The following ECI1 variants were observed in gnomAD, a reference collection of about 807,000 sequenced individuals.
The protein encoded by ECI1 is enoyl-CoA delta isomerase 1.
ECI1 carries 34 observed loss-of-function variants against 34.2 expected under a neutral mutation model. The observed-to-expected ratio is 1.00, with a 90% CI of 0.76 to 1.33. ECI1 has a LOEUF of 1.33. ECI1 is among the 40% of genes most tolerant of loss of function. ECI1 has a pLI of 0.00. For synonymous variants in ECI1, 211 were observed against 193.0 expected (o/e 1.09, Z -0.77); for missense variants, 456 against 422.2 (o/e 1.08, Z -0.70).
At chr16:2,245,529 T>C (rs2093538368) in intron 3 of ECI1, among the ~76,000 whole-genome samples, 1 of 152,130 alleles carries the variant, frequency 6.6e-6, no homozygotes, top group Non-Finnish European at 1.5e-5. Flanking sequence ...ACAGAATGGG[T>C]AGGCCGGTCC....
intron 4 of ECI1, 54 bp from the exon 5 acceptor site, chr16:2,243,493 C>T: frequency 1.9e-6 from 3 of 1,601,222 alleles, no homozygotes; most frequent in Non-Finnish European, 2.5e-6. Flanking sequence ...CAACCACATT[C>T]CAGAGGGCCA....
chr16:2,251,370 C>A lies in ECI1; in HGVS notation c.112G>T (p.Gly38Cys), dbSNP rs953020929. 9.6e-6 allele frequency: 12 copies of A among 1,248,086 alleles called. No individual in the cohort carries two copies. The African/African-American group carries it at 1.3e-4, about 13-fold the overall frequency. The allele number at this position is 1,248,086 out of a possible 1,614,324, so 77.3% of individuals were successfully genotyped here. Reference sequence around the variant, plus strand: ...CGCTGGCTCCCGAAGCGCCGCGCGCCGTCTCCGCCGCCGGCCGCCCGCTCC... The same window carrying A: ...CGCTGGCTCCCGAAGCGCCGCGCGCAGTCTCCGCCGCCGGCCGCCCGCTCC... The part of the protein sequence containing the change: ...RTERAAGGGD[G>C]ARRFGSQRVL... Residue 38 changes from glycine (G) to cysteine (C), a missense_variant, in exon 2 of 7, where the codon GGC (glycine) becomes TGC (cysteine). Gly to Cys is a radical substitution (Grantham distance 159). Coordinates refer to ENST00000301729, the MANE Select transcript of ECI1 (RefSeq NM_001919.4).
intron 2 of ECI1, among the ~76,000 whole-genome samples, chr16:2,248,093 TTC>T (rs200472245): frequency 5.5e-4 from 84 of 152,284 alleles, no homozygotes; most frequent in African/African-American, 1.8e-3. Context: ...CATTCTCTCT[TTC>T]TCTCTCTATC....
chr16:2,249,258 C>A (rs1246484151), intron 2 of ECI1, among the ~76,000 whole-genome samples: 1 of 151,800 alleles, frequency 6.6e-6, no homozygotes. Context: ...ACCGTGTTAG[C>A]CAGAATGGTC....
rs553720770 is a variant in ECI1 at position 2,239,672 on chromosome 16, C to T, written c.*307G>A. ...AATGGATGACCAGGGACTTGACTTA[C>T]GATTCTGCCTTGGGAACAGAGACAC... On this transcript the variant is annotated 3_prime_UTR_variant, in exon 7 of 7. Transcript: ENST00000301729. The T allele has an allele frequency of 2.4e-5, 10 of 419,966 alleles. No homozygotes were observed. The highest frequency in any genetic ancestry group is 7.1e-5 in the Admixed American group (2 of 28,290). 26.0% of individuals were successfully genotyped at this position (419,966 alleles called of 1,614,324 possible).
chr16:2,248,028 A>G (rs1042618125), intron 2 of ECI1, among the ~76,000 whole-genome samples: 1 of 152,120 alleles, frequency 6.6e-6, no homozygotes, highest in Non-Finnish European at 1.5e-5. Context: ...GATCGATATA[A>G]CATAAATTAA....
At chr16:2,243,805 G>A (rs1478910412) in intron 4 of ECI1, among the ~76,000 whole-genome samples, 1 of 152,190 alleles carries the variant, frequency 6.6e-6, no homozygotes, top group African/African-American at 2.4e-5. Context: ...CATGCCCCAA[G>A]GGGGCCCCGA....
Position 2,246,892 on chromosome 16 carries a change from A to G in ECI1, c.261T>C (p.Asn87=). 6.2e-7 allele frequency: 1 copy of G among 1,613,648 alleles called. No individual in the cohort carries two copies. Residue 87 remains asparagine (N), a synonymous_variant, in exon 3 of 7, where the codon AAT becomes AAC. Transcript: ENST00000301729. ...ELVISLEKLE[N]DKSFRGVILT... is the part of the protein sequence containing the mutation. ...GAATGACACCGCGGAAGCTCTTGTC[A>G]TTCTCCAGCTTCTCCAGGCTGATGA... is the stretch of plus-strand genomic sequence containing the variant.
chr16:2,251,197 C>A, intron 2 of ECI1, 119 bp downstream of exon 2: 1 of 334,376 alleles, frequency 3.0e-6, no homozygotes, highest in Non-Finnish European at 4.7e-6. Context: ...TGTTTCGAAA[C>A]TTGGGTTCTA....
At position 2,246,470 on chromosome 16, in the gene ECI1, G is replaced by A. The variant is rs554766520; in HGVS notation, c.294+389C>T. On this transcript the variant is annotated intron_variant, in intron 3 of 6. Transcript: ENST00000301729. ...CTGCCCACAGCTCTCCCCAGTGTCC[G>A]CCTGGACGACGGCCCGGGCAGGGAA... Among the ~76,000 whole-genome samples the A allele has an allele frequency of 2.8e-4, 42 of 152,266 alleles. 1 individual carries two copies. The highest frequency in any genetic ancestry group is 6.8e-3 in the Middle Eastern group (2 of 294).
chr16:2,246,653 G>A (rs529894491), intron 3 of ECI1, among the ~76,000 whole-genome samples: 1 of 152,368 alleles, frequency 6.6e-6, no homozygotes, highest in South Asian at 2.1e-4. Context: ...GCCCATGGCA[G>A]TTTGGGTCCC....
intron 3 of ECI1, among the ~76,000 whole-genome samples, chr16:2,246,171 G>A (rs948789047): frequency 6.6e-6 from 1 of 152,168 alleles, no homozygotes; most frequent in Non-Finnish European, 1.5e-5. Flanking sequence ...CGGCGATGTT[G>A]GTAATGACAC....
At chr16:2,241,233 C>G (rs762240315) in intron 6 of ECI1, 4 of 152,204 alleles carry the variant, frequency 2.6e-5, no homozygotes, top group African/African-American at 4.8e-5. Context: ...GAAATGGCAG[C>G]ACAGCCTTCA....
At chr16:2,250,502 G>T (rs1040737004) in intron 2 of ECI1, among the ~76,000 whole-genome samples, 2 of 152,116 alleles carry the variant, frequency 1.3e-5, no homozygotes, top group African/African-American at 4.8e-5. Context: ...CTCCTCTCAG[G>T]AGCCACAGCA....
chr16:2,241,102 C>G (rs1381061622), intron 6 of ECI1: 1 of 151,558 alleles, frequency 6.6e-6, no homozygotes, highest in East Asian at 2.0e-4. Context: ...TTGCAGTGAG[C>G]TGAGATCGCA....
At chr16:2,249,716 CAA>C (rs56139101) in intron 2 of ECI1, among the ~76,000 whole-genome samples, 2 of 139,674 alleles carry the variant, frequency 1.4e-5, no homozygotes, top group African/African-American at 2.6e-5. Context: ...CTAAAAATAC[CAA>C]AAAAAAAAAA....
At position 2,239,912 on chromosome 16, in the gene ECI1, C is replaced by T; in HGVS notation, c.*67G>A. On this transcript the variant is annotated 3_prime_UTR_variant, in exon 7 of 7. Coordinates refer to ENST00000301729, the MANE Select transcript of ECI1 (RefSeq NM_001919.4). ...GGCAGTACTTTTAAGTTGAAAAATACCTTGTTTAAGACCTCCCTGGGACCC... is the reference window on the plus strand; with the variant it reads ...GGCAGTACTTTTAAGTTGAAAAATATCTTGTTTAAGACCTCCCTGGGACCC... The T allele has an allele frequency of 1.3e-6, 2 of 1,523,112 alleles. No individual in the cohort carries two copies. The highest frequency in any genetic ancestry group is 2.3e-5 in the East Asian group (1 of 44,412). 94.3% of individuals were successfully genotyped at this position (1,523,112 alleles called of 1,614,324 possible).
intron 3 of ECI1, among the ~76,000 whole-genome samples, chr16:2,244,939 G>T (rs921388551): frequency 2.0e-5 from 3 of 152,190 alleles, no homozygotes; most frequent in African/African-American, 7.2e-5. Context: ...TCATTTACCC[G>T]CAAAGGGCCA....
rs368058737 is a variant in ECI1, at chr16:2,243,143, C to T, written c.645G>A (p.Ala215=). 4.2e-5 allele frequency: 68 copies of T among 1,606,564 alleles called. No individual in the cohort carries two copies. The Middle Eastern group carries it at 6.8e-4, about 16-fold the overall frequency. Residue 215 remains alanine, a synonymous_variant, in exon 6 of 7, where the codon GCG becomes GCA. Transcript: ENST00000301729. ...CCACTATGCCCACCTGCAGGGCCTC[C>T]GCCGGCGGGAAGAGCAGCCCCAGCT... ...ALQLGLLFPP[A]EALQVGIVDQ...
Sources: gnomAD v4.1 joint callset for allele counts (sites outside exome capture counted in the v4.1 genomes callset) on GRCh38, gnomAD v4.1.1 for gene constraint, MANE v1.5 for transcripts, NCBI Gene and HGNC (gene_info 2026-07-23, HGNC 2026-07-21) for gene names.